Variants in DOCK5 observed in about 807,000 individuals in gnomAD.
The protein encoded by DOCK5 is dedicator of cytokinesis 5.
A neutral mutation model predicts 251.8 loss-of-function variants in DOCK5; 142 were observed. The observed-to-expected ratio is 0.56, with a 90% CI of 0.49 to 0.65. DOCK5 has a LOEUF of 0.65. DOCK5 is among the 30% of genes least tolerant of loss of function. DOCK5 has a pLI of 0.00. For missense variants in DOCK5, 2,111 were observed against 2,312.3 expected (o/e 0.91, Z 1.79); for synonymous variants, 842 against 835.5 (o/e 1.01, Z -0.13).
At chr8:25,213,587 T>C (rs545715234) in intron 1 of DOCK5, among the ~76,000 whole-genome samples, 4 of 152,318 alleles carry the variant, frequency 2.6e-5, no homozygotes, top group Admixed American at 2.6e-4. Flanking sequence ...TTCCTCATGC[T>C]ACATCAGGGT....
chr8:25,203,286 T>A (rs1487023488), intron 1 of DOCK5, among the ~76,000 whole-genome samples: 1 of 152,218 alleles, frequency 6.6e-6, no homozygotes, highest in Non-Finnish European at 1.5e-5. Flanking sequence ...GAGTCATTTT[T>A]CAGAAGATCC....
chr8:25,341,441 G>T (rs1805952734), intron 23 of DOCK5, among the ~76,000 whole-genome samples: 1 of 151,938 alleles, frequency 6.6e-6, no homozygotes, highest in African/African-American at 2.4e-5. Context: ...GCTCTTTATG[G>T]CCATGTTGCA....
At chr8:25,369,508 C>A in intron 33 of DOCK5, 48 bp from the exon 34 acceptor site, 1 of 1,543,162 alleles carries the variant, frequency 6.5e-7, no homozygotes. Flanking sequence ...GCCATGTCTT[C>A]TTCTAAGGAT....
At chr8:25,364,931 T>G (rs575366487) in intron 30 of DOCK5, among the ~76,000 whole-genome samples, 9 of 152,254 alleles carry the variant, frequency 5.9e-5, no homozygotes, top group African/African-American at 1.7e-4. Flanking sequence ...AAAAAAAATC[T>G]TAAAGAGTAA....
At chr8:25,205,973 A>C (rs2117470024) in intron 1 of DOCK5, among the ~76,000 whole-genome samples, 1 of 152,344 alleles carries the variant, frequency 6.6e-6, no homozygotes, top group Middle Eastern at 3.4e-3. Context: ...TAAAGCCATA[A>C]ATAACTCCAG....
intron 30 of DOCK5, among the ~76,000 whole-genome samples, chr8:25,365,160 A>G (rs1045742321): frequency 1.3e-5 from 2 of 152,192 alleles, no homozygotes; most frequent in Non-Finnish European, 2.9e-5. Flanking sequence ...CGCTAGCTCT[A>G]TTTTCATTCA....
chr8:25,378,122 G>A (rs868121124), intron 38 of DOCK5, among the ~76,000 whole-genome samples: 15 of 152,228 alleles, frequency 9.9e-5, no homozygotes, highest in South Asian at 4.1e-4. Flanking sequence ...TTTTGTCCCT[G>A]AAGATTGGGC....
chr8:25,254,822 A>G (rs1463002080), intron 2 of DOCK5, among the ~76,000 whole-genome samples: 1 of 148,720 alleles, frequency 6.7e-6, no homozygotes, highest in African/African-American at 2.5e-5. Context: ...ATAAAGGACT[A>G]TTATCTAAAA....
intron 40 of DOCK5, among the ~76,000 whole-genome samples, chr8:25,388,590 A>G (rs1407424597): frequency 2.0e-5 from 3 of 152,228 alleles, no homozygotes; most frequent in Admixed American, 1.3e-4. Flanking sequence ...TTTCTGTGCC[A>G]GAAGACACAT....
At chr8:25,270,525 T>C (rs972276448) in intron 3 of DOCK5, among the ~76,000 whole-genome samples, 11 of 152,042 alleles carry the variant, frequency 7.2e-5, no homozygotes, top group Non-Finnish European at 1.0e-4. Context: ...GTCACTTAAT[T>C]CCCAATCCTT....
intron 24 of DOCK5, 80 bp downstream of exon 24, chr8:25,341,889 C>A: frequency 8.7e-7 from 1 of 1,143,626 alleles, no homozygotes; most frequent in Non-Finnish European, 1.2e-6. Flanking sequence ...GGCTGCTACA[C>A]CTGGCTTTTA....
intron 2 of DOCK5, among the ~76,000 whole-genome samples, chr8:25,263,876 G>A (rs1563329852): frequency 6.6e-6 from 1 of 151,880 alleles, no homozygotes; most frequent in Non-Finnish European, 1.5e-5. Flanking sequence ...GACGGCAGAA[G>A]GGGCAGGATC....
intron 2 of DOCK5, among the ~76,000 whole-genome samples, chr8:25,250,875 T>C (rs1429908827): frequency 6.6e-6 from 1 of 152,216 alleles, no homozygotes; most frequent in East Asian, 1.9e-4. Flanking sequence ...CTTGTCTAGA[T>C]TGACTGTCCC....
intron 1 of DOCK5, among the ~76,000 whole-genome samples, chr8:25,227,608 C>T (rs1424149064): frequency 1.3e-5 from 2 of 152,052 alleles, no homozygotes; most frequent in East Asian, 1.9e-4. Context: ...ATGTTGTGAA[C>T]TCTCAGATAC....
intron 37 of DOCK5, chr8:25,375,074 G>A (rs1563221078): frequency 1.2e-6 from 1 of 825,414 alleles, no homozygotes; most frequent in African/African-American, 1.9e-5. Flanking sequence ...ACATCTATAT[G>A]TTATGAATCC....
chr8:25,390,729 G>T (rs902038349), intron 42 of DOCK5, among the ~76,000 whole-genome samples: 7 of 152,176 alleles, frequency 4.6e-5, no homozygotes, highest in African/African-American at 1.7e-4. Flanking sequence ...GTCTTGAAAA[G>T]CTGAATGCTA....
intron 13 of DOCK5, among the ~76,000 whole-genome samples, chr8:25,313,044 G>T (rs1319747907): frequency 6.6e-6 from 1 of 152,122 alleles, no homozygotes; most frequent in African/African-American, 2.4e-5. Flanking sequence ...GATTTCTAGA[G>T]ACCGATTCAG....
chr8:25,298,795 G>A lies in DOCK5; in HGVS notation c.607-149G>A, dbSNP rs149851617. 4 of 894,146 alleles carry A rather than the reference G, an allele frequency of 4.5e-6. No individual in the cohort carries two copies. The African/African-American group carries it at 6.9e-5, about 15-fold the overall frequency. 55.4% of individuals were successfully genotyped at this position (894,146 alleles called of 1,614,324 possible). A position where few individuals can be genotyped will look rare whatever the true frequency, so the allele number is the denominator to read the frequency against. Reference sequence around the variant, plus strand: ...GCCCAGGCTGTTCTCAAATTCCTGGGCCTCTAGTAGCACTGGGATTACAGG... The same window carrying A: ...GCCCAGGCTGTTCTCAAATTCCTGGACCTCTAGTAGCACTGGGATTACAGG... On this transcript the variant is annotated intron_variant, in intron 7 of 51. Coordinates refer to ENST00000276440, the MANE Select transcript of DOCK5 (RefSeq NM_024940.8).
intron 47 of DOCK5, among the ~76,000 whole-genome samples, chr8:25,402,650 C>A (rs889894661): frequency 6.6e-6 from 1 of 151,948 alleles, no homozygotes; most frequent in African/African-American, 2.4e-5. Context: ...CCCTATGTTG[C>A]CCAGGCTGGC....
Sources: gnomAD v4.1 joint callset for allele counts (sites outside exome capture counted in the v4.1 genomes callset) on GRCh38, gnomAD v4.1.1 for gene constraint, MANE v1.5 for transcripts, NCBI Gene and HGNC (gene_info 2026-07-23, HGNC 2026-07-21) for gene names.